The following ALMS1 variants were observed in gnomAD, a reference collection of about 807,000 sequenced individuals.
ALMS1 encodes the protein centrosome-associated protein ALMS1.
Under a neutral mutation model 352.2 loss-of-function variants are expected in ALMS1, and 271 were observed. That is an observed-to-expected ratio of 0.77 (90% confidence interval 0.70 to 0.85). The LOEUF is 0.85. Among genes scored for constraint, ALMS1 ranks in the 40% least tolerant of loss-of-function variants. The probability of loss-of-function intolerance (pLI) is 0.00; values close to 1 mark genes in which losing one functional copy is unlikely to be tolerated. For missense variants in ALMS1, 5,445 were observed against 4,870.7 expected, an observed-to-expected ratio of 1.12 and a Z score of -3.51; for synonymous variants, 1,865 against 1,761.2, an observed-to-expected ratio of 1.06 and a Z score of -1.48.
intron 2 of ALMS1, among the ~76,000 whole-genome samples, chr2:73,410,712 C>G (rs897980489): frequency 1.3e-5 from 2 of 152,254 alleles, no homozygotes; most frequent in Admixed American, 6.5e-5. Context: ...TTGAGAACCA[C>G]TTTTCTAGAA....
At chr2:73,548,559 T>C (rs928717041) in intron 12 of ALMS1, among the ~76,000 whole-genome samples, 5 of 152,228 alleles carry the variant, frequency 3.3e-5, no homozygotes, top group Admixed American at 1.3e-4. Context: ...AGACTGTGCG[T>C]GCACATGCTG....
At chr2:73,589,862 G>T (rs1055796422) in intron 16 of ALMS1, among the ~76,000 whole-genome samples, 4 of 152,128 alleles carry the variant, frequency 2.6e-5, no homozygotes, top group African/African-American at 4.8e-5. Flanking sequence ...TATATACCCA[G>T]AAGTGGAATT....
Position 73,453,785 on chromosome 2 carries a change from A to C in ALMS1, c.7258A>C (p.Ser2420Arg), listed in dbSNP as rs755270372. The change falls in exon 8 of 23, where the codon AGT (serine) becomes CGT (arginine). Residue 2420 changes from serine (S) to arginine (R), a missense_variant. Coordinates refer to ENST00000613296, the MANE Select transcript of ALMS1 (RefSeq NM_001378454.1). ...VIKSDSSSDA[S>R]DGNGSCSWDS... is the part of the protein sequence containing the mutation. ...AAAAAGTGATTCAAGTAGTGATGCC[A>C]GTGATGGAAATGGTTCCTGCTCGTG... 6.2e-7 allele frequency: 1 copy of C among 1,614,174 alleles called. No homozygotes were observed. The highest frequency in any genetic ancestry group is 8.5e-7 in the Non-Finnish European group (1 of 1,180,018).
intron 10 of ALMS1, among the ~76,000 whole-genome samples, chr2:73,519,014 G>A (rs1673616985): frequency 6.6e-6 from 1 of 152,138 alleles, no homozygotes. Flanking sequence ...GTCTGGAATG[G>A]TATTGTCTAG....
Position 73,448,637 on chromosome 2 carries a change from C to G in ALMS1, c.2110C>G (p.Gln704Glu), listed in dbSNP as rs1162425274. The change falls in exon 8 of 23, where the codon CAG becomes GAG. Residue 704 changes from glutamine (Q) to glutamate (E), a missense_variant. Transcript: ENST00000613296. ...CTCAGCTGTGTCTGGACCAGCTGAC[C>G]AGAAGACTGGGACAGCAACAGTACT... ...KVSAVSGPAD[Q>E]KTGTATVLST... 1.9e-6 allele frequency: 3 copies of G among 1,613,864 alleles called. No homozygotes were observed. The highest frequency in any genetic ancestry group is 2.2e-5 in the East Asian group (1 of 44,850).
intron 13 of ALMS1, among the ~76,000 whole-genome samples, chr2:73,552,337 T>C (rs1674456696): frequency 6.6e-6 from 1 of 152,244 alleles, no homozygotes; most frequent in African/African-American, 2.4e-5. Context: ...TTACAAAATA[T>C]AGTTCATAAA....
At chr2:73,536,165 T>C (rs1248254138) in intron 12 of ALMS1, among the ~76,000 whole-genome samples, 1 of 152,226 alleles carries the variant, frequency 6.6e-6, no homozygotes, top group African/African-American at 2.4e-5. Context: ...ACAAGCTCAC[T>C]TAATTGATTG....
At chr2:73,528,986 T>G (rs1030700652) in intron 11 of ALMS1, among the ~76,000 whole-genome samples, 2 of 151,960 alleles carry the variant, frequency 1.3e-5, no homozygotes, top group African/African-American at 4.8e-5. Context: ...TCTTATAGGA[T>G]TCTGAGTTCT....
Position 73,572,269 on chromosome 2 carries a change from A to G in ALMS1, c.10392A>G (p.Glu3464=). 1.9e-6 allele frequency: 3 copies of G among 1,607,528 alleles called. No homozygotes were observed. Among genetic ancestry groups the G allele is most frequent in the East Asian group, 2.2e-5 (1 of 44,832 alleles). ...TTTTTTTCTCCTTTTCAGAGTCCGA[A>G]TGTCATTCAGAATTTGAAAATACTA... ...ESLQINIEES[E]CHSEFENTTR... is the part of the protein sequence containing the mutation. Residue 3464 remains glutamate (E), a synonymous_variant, in exon 16 of 23, where the codon GAA becomes GAG. Coordinates refer to ENST00000613296, the MANE Select transcript of ALMS1 (RefSeq NM_001378454.1).
rs887903313 is a variant in ALMS1, at chr2:73,412,968, G to C, written c.450+4221G>C. On this transcript the variant is annotated intron_variant, in intron 2 of 22. Coordinates refer to ENST00000613296, the MANE Select transcript of ALMS1 (RefSeq NM_001378454.1). ...TGCCCTGCATTCTTGGCAGCTGTTG[G>C]TATCATCAGTTTTTTCTTTTTTTCT... is the stretch of plus-strand genomic sequence containing the variant. Among the ~76,000 whole-genome samples the C allele has an allele frequency of 3.8e-4, 58 of 151,514 alleles. 1 individual carries two copies. The highest frequency in any genetic ancestry group is 8.8e-5 in the Non-Finnish European group (6 of 67,904).
In ALMS1 at chr2:73,480,297, A is replaced by G. The variant is rs573203663; in HGVS notation, c.7675-9337A>G. Among the ~76,000 whole-genome samples the G allele has an allele frequency of 4.5e-4, 68 of 152,128 alleles. 1 individual carries two copies. In the South Asian group the frequency reaches 7.1e-3, roughly 16 times the overall value. On this transcript the variant is annotated intron_variant, in intron 9 of 22. Transcript: ENST00000613296. ...TGTGTCCATGTGATCTCATTGTTCA[A>G]TTCCCACCTATGAGTGAGAATATGC...
chr2:73,467,250 C>G (rs959751193), intron 9 of ALMS1, among the ~76,000 whole-genome samples: 12 of 152,058 alleles, frequency 7.9e-5, no homozygotes, highest in Admixed American at 7.9e-4. Context: ...TGATAAAGGA[C>G]ATAAATTCAG....
chr2:73,557,939 C>T (rs750024907), intron 14 of ALMS1, among the ~76,000 whole-genome samples: 26 of 152,310 alleles, frequency 1.7e-4, no homozygotes, highest in East Asian at 5.8e-4. Flanking sequence ...TCCAGAGTAT[C>T]GGAACAAAGC....
chr2:73,587,143 C>T (rs1675331076), intron 16 of ALMS1, among the ~76,000 whole-genome samples: 1 of 152,158 alleles, frequency 6.6e-6, no homozygotes, highest in African/African-American at 2.4e-5. Flanking sequence ...TGTAACTTTA[C>T]TGAATTCATG....
chr2:73,479,628 G>A (rs763936048), intron 9 of ALMS1, among the ~76,000 whole-genome samples: 1 of 152,108 alleles, frequency 6.6e-6, no homozygotes, highest in South Asian at 2.1e-4. Context: ...ACTATTGAAG[G>A]ACATCTTGGT....
chr2:73,407,708 C>T (rs2103673307), intron 1 of ALMS1, among the ~76,000 whole-genome samples: 1 of 152,202 alleles, frequency 6.6e-6, no homozygotes, highest in East Asian at 1.9e-4. Context: ...CAGGTGCATG[C>T]CATCATGCCC....
chr2:73,608,679 T>A, intron 22 of ALMS1, 105 bp downstream of exon 22: 1 of 886,866 alleles, frequency 1.1e-6, no homozygotes, highest in Non-Finnish European at 1.8e-6. Flanking sequence ...ATGAACCGCA[T>A]TTGAGGAATG....
At chr2:73,484,697 C>G (rs1672787892) in intron 9 of ALMS1, among the ~76,000 whole-genome samples, 1 of 152,168 alleles carries the variant, frequency 6.6e-6, no homozygotes, top group Non-Finnish European at 1.5e-5. Context: ...TTCTCCCCAT[C>G]ACTTTCAGGT....
intron 2 of ALMS1, among the ~76,000 whole-genome samples, chr2:73,409,588 A>G (rs1671036894): frequency 2.0e-5 from 3 of 152,210 alleles, no homozygotes; most frequent in South Asian, 2.1e-4. Flanking sequence ...GTAAAAAATG[A>G]CTGTTTTCCA....
Sources: allele counts gnomAD v4.1 joint callset (sites outside exome capture counted in the v4.1 genomes callset), GRCh38; gene constraint gnomAD v4.1.1; transcripts MANE v1.5; gene names NCBI Gene and HGNC (gene_info 2026-07-23, HGNC 2026-07-21).